Variants in EP400 observed in about 807,000 individuals in gnomAD.
EP400 encodes the protein E1A-binding protein p400.
EP400 carries 105 observed loss-of-function variants against 354.1 expected under a neutral mutation model. The observed-to-expected ratio is 0.30, with a 90% CI of 0.25 to 0.35. EP400 has a LOEUF of 0.35. Ranked by LOEUF, EP400 falls within the 10% of genes least tolerant of loss-of-function variation. The probability of loss-of-function intolerance (pLI) is 1.00; values close to 1 mark genes in which losing one functional copy is unlikely to be tolerated. For synonymous variants in EP400, 1,646 were observed against 1,716.9 expected (o/e 0.96, Z 1.02); for missense variants, 3,280 against 4,121.0 (o/e 0.80, Z 5.59).
intron 2 of EP400, among the ~76,000 whole-genome samples, chr12:131,966,162 G>A (rs1892072378): frequency 6.6e-6 from 1 of 152,160 alleles, no homozygotes; most frequent in Non-Finnish European, 1.5e-5. Flanking sequence ...TGCTGAGGCG[G>A]GAGGATTGCT....
In EP400 at chr12:132,018,206, C is replaced by G; in HGVS notation, c.4111-4C>G. On this transcript the variant is annotated splice_polypyrimidine_tract_variant and splice_region_variant and intron_variant, in intron 20 of 52. Coordinates refer to ENST00000389561, the MANE Select transcript of EP400 (RefSeq NM_015409.5). This position sits in a 1 kb window ranked among gnomAD's most constrained non-coding sequence, Gnocchi z 4.0. ...AGCAAGACTTTTTTTCTTTTTCTCT[C>G]TAGGAAGCAGATCTTTCTATGTTTG... 2 of 1,608,156 alleles carry G rather than the reference C, an allele frequency of 1.2e-6. No homozygotes were observed. Among genetic ancestry groups the G allele is most frequent in the Non-Finnish European group, 1.7e-6 (2 of 1,178,572 alleles).
At position 131,972,063 on chromosome 12, in the gene EP400, T is replaced by G. The variant is rs556137049; in HGVS notation, c.1336-7631T>G. ...GACTTGCGGCAGGTGACAGTGGATG[T>G]CTAAGAAAATAGAAAAGAGTTAAAA... On this transcript the variant is annotated intron_variant, in intron 2 of 52. Transcript: ENST00000389561. Among the ~76,000 whole-genome samples, 6 of 152,262 alleles carry G rather than the reference T, an allele frequency of 3.9e-5. No individual in the cohort carries two copies. In the East Asian group the frequency reaches 1.2e-3, roughly 29 times the overall value.
At chr12:131,959,296 G>A (rs1011076434) in intron 1 of EP400, among the ~76,000 whole-genome samples, 2 of 152,208 alleles carry the variant, frequency 1.3e-5, no homozygotes, top group Non-Finnish European at 2.9e-5. Context: ...ACTGATTTGG[G>A]TGCCAGGTGC....
In EP400 at chr12:132,044,165, T is replaced by C. The variant is rs1895005781; in HGVS notation, c.6451-12T>C. The C allele has an allele frequency of 1.2e-6, 2 of 1,612,184 alleles. No individual in the cohort carries two copies. The highest frequency in any genetic ancestry group is 8.5e-7 in the Non-Finnish European group (1 of 1,178,596). Reference sequence around the variant, plus strand: ...TCCTGATCCTGAAAGTTCTTGCTGCTCTCCCCGTCAGGACGCAGTGATGAC... The same window carrying C: ...TCCTGATCCTGAAAGTTCTTGCTGCCCTCCCCGTCAGGACGCAGTGATGAC... On this transcript the variant is annotated splice_polypyrimidine_tract_variant and intron_variant, in intron 34 of 52. Transcript: ENST00000389561.
chr12:131,993,270 C>T (rs1893102993), intron 11 of EP400, among the ~76,000 whole-genome samples: 1 of 152,122 alleles, frequency 6.6e-6, no homozygotes, highest in South Asian at 2.1e-4. Context: ...GGTAATCCAC[C>T]CGCCTCAGCC....
At position 132,027,897 on chromosome 12, in the gene EP400, C is replaced by T; in HGVS notation, c.5110-120C>T. On this transcript the variant is annotated intron_variant, in intron 26 of 52. Coordinates refer to ENST00000389561, the MANE Select transcript of EP400 (RefSeq NM_015409.5). This position sits in a 1 kb window ranked among gnomAD's most constrained non-coding sequence, Gnocchi z 4.9. ...TATCTCTATTTCCTGTAACACAAGACCGGGGATATTGAAGTGGATCTCATA... is the reference window on the plus strand; with the variant it reads ...TATCTCTATTTCCTGTAACACAAGATCGGGGATATTGAAGTGGATCTCATA... 1 of 1,048,216 alleles carries T rather than the reference C, an allele frequency of 9.5e-7. No homozygotes were observed. Among genetic ancestry groups the T allele is most frequent in the African/African-American group, 1.6e-5 (1 of 62,888 alleles). The allele number at this position is 1,048,216 out of a possible 1,614,324, so 64.9% of individuals were successfully genotyped here.
chr12:132,037,288 G>A (rs1483862339), intron 30 of EP400, among the ~76,000 whole-genome samples: 1 of 152,332 alleles, frequency 6.6e-6, no homozygotes, highest in South Asian at 2.1e-4. Flanking sequence ...TCTCATGAGT[G>A]TTAACAAGCC....
chr12:131,954,650 G>A (rs1462205746), intron 1 of EP400, among the ~76,000 whole-genome samples: 1 of 151,022 alleles, frequency 6.6e-6, no homozygotes, highest in African/African-American at 2.4e-5. Context: ...GCTTGAACCC[G>A]GGAGGCGGAG....
Position 132,077,955 on chromosome 12 carries a change from C to T in EP400, c.*282C>T, listed in dbSNP as rs1896287704. On this transcript the variant is annotated 3_prime_UTR_variant, in exon 53 of 53. Coordinates refer to ENST00000389561, the MANE Select transcript of EP400 (RefSeq NM_015409.5). The stretch of plus-strand genomic sequence containing the variant: ...TTTCAGTCCCCACCCGCACCCGTCC[C>T]CTAGAGCCATAGTACTGTGTTCTGA... The T allele has an allele frequency of 2.2e-6, 1 of 454,880 alleles. No individual in the cohort carries two copies. The highest frequency in any genetic ancestry group is 2.0e-5 in the African/African-American group (1 of 51,220). The allele number at this position is 454,880 out of a possible 1,614,324, so 28.2% of individuals were successfully genotyped here. A position where few individuals can be genotyped will look rare whatever the true frequency, so the allele number is the denominator to read the frequency against.
chr12:132,020,996 A>T, intron 22 of EP400, 83 bp from the exon 23 acceptor site: 1 of 1,439,690 alleles, frequency 6.9e-7, no homozygotes, highest in East Asian at 2.6e-5. Flanking sequence ...TGTTTATTTT[A>T]TTTCTTTAAA....
chr12:131,991,003 C>A (rs1007400817), intron 9 of EP400, among the ~76,000 whole-genome samples: 1 of 152,234 alleles, frequency 6.6e-6, no homozygotes, highest in Non-Finnish European at 1.5e-5. Context: ...GTTTGCCATG[C>A]AGGAGGATCC....
At chr12:132,036,523 G>A (rs535846238) in intron 30 of EP400, among the ~76,000 whole-genome samples, 26 of 152,376 alleles carry the variant, frequency 1.7e-4, no homozygotes, top group Admixed American at 1.2e-3. Flanking sequence ...CGGGGGGCAG[G>A]AGAGGCAGGC....
intron 45 of EP400, among the ~76,000 whole-genome samples, chr12:132,061,090 G>C (rs1895680226): frequency 6.6e-6 from 1 of 152,204 alleles, no homozygotes; most frequent in Non-Finnish European, 1.5e-5. Context: ...ACTGGGGTTA[G>C]AAAGAGGAAA....
intron 1 of EP400, among the ~76,000 whole-genome samples, chr12:131,956,818 C>T (rs1891715413): frequency 6.6e-6 from 1 of 150,808 alleles, no homozygotes; most frequent in Non-Finnish European, 1.5e-5. Flanking sequence ...GGTCATTTTC[C>T]TCTAAGCTGG....
At position 132,029,992 on chromosome 12, in the gene EP400, A is replaced by G; in HGVS notation, c.5588A>G (p.Lys1863Arg). 1 of 1,614,074 alleles carries G rather than the reference A, an allele frequency of 6.2e-7. No individual in the cohort carries two copies. Among genetic ancestry groups the G allele is most frequent in the Non-Finnish European group, 8.5e-7 (1 of 1,180,020 alleles). Residue 1863 changes from lysine to arginine, a missense_variant, in exon 29 of 53, where the codon AAG (lysine) becomes AGG (arginine). This residue lies in a region of EP400 where 459 missense variants were observed against 496.9 expected (regional missense o/e 0.92). Coordinates refer to ENST00000389561, the MANE Select transcript of EP400 (RefSeq NM_015409.5). The surrounding 1 kb of genome is among the most constrained non-coding windows in gnomAD (Gnocchi z 4.7). ...ELRLVQFDSG[K>R]LEALAILLQK... ...CTTGATGTGATTCGTTTCCCAGGGA[A>G]GTTGGAAGCTTTAGCTATCTTGCTT...
At chr12:131,979,871 C>G in intron 3 of EP400, 78 bp downstream of exon 3, 1 of 1,221,934 alleles carries the variant, frequency 8.2e-7, no homozygotes, top group Non-Finnish European at 1.1e-6. Flanking sequence ...CCATGAGTTT[C>G]TGAAGAGCAG....
At chr12:132,040,988 G>A (rs1245612831) in intron 32 of EP400, among the ~76,000 whole-genome samples, 1 of 152,146 alleles carries the variant, frequency 6.6e-6, no homozygotes, top group Non-Finnish European at 1.5e-5. Context: ...GGACAACTGG[G>A]GGACATGTGG....
rs1015072688 is a variant in EP400, at chr12:131,995,088, C to T, written c.2827+132C>T. The T allele has an allele frequency of 1.8e-5, 14 of 788,532 alleles. No individual in the cohort carries two copies. The African/African-American group carries it at 2.4e-4, about 14-fold the overall frequency. 48.8% of individuals were successfully genotyped at this position (788,532 alleles called of 1,614,324 possible). A position where few individuals can be genotyped will look rare whatever the true frequency, so the allele number is the denominator to read the frequency against. On this transcript the variant is annotated intron_variant, in intron 12 of 52. Coordinates refer to ENST00000389561, the MANE Select transcript of EP400 (RefSeq NM_015409.5). ...TTTATGGAAAACAGTCCCTGTGTGCCTCCTGCTGCTCTCTCTCCTGACCTG... is the reference window on the plus strand; with the variant it reads ...TTTATGGAAAACAGTCCCTGTGTGCTTCCTGCTGCTCTCTCTCCTGACCTG...
At position 131,956,271 on chromosome 12, in the gene EP400, G is replaced by C. The variant is rs369844793; in HGVS notation, c.-35-4314G>C. On this transcript the variant is annotated intron_variant, in intron 1 of 52. Coordinates refer to ENST00000389561, the MANE Select transcript of EP400 (RefSeq NM_015409.5). Reference sequence around the variant, plus strand: ...GTATGGCTGTATCATGGTTTGATGTGTCTGCTCATCAGGGGAAGGTCAGTT... The same window carrying C: ...GTATGGCTGTATCATGGTTTGATGTCTCTGCTCATCAGGGGAAGGTCAGTT... Among the ~76,000 whole-genome samples the C allele has an allele frequency of 1.7e-3, 252 of 152,236 alleles. 1 individual carries two copies. The highest frequency in any genetic ancestry group is 5.9e-3 in the African/African-American group (243 of 41,536).
Sources: allele counts gnomAD v4.1 joint callset (sites outside exome capture counted in the v4.1 genomes callset), GRCh38; gene constraint gnomAD v4.1.1; regional missense constraint gnomAD v4.1.1; non-coding constraint Gnocchi (gnomAD v3.1); transcripts MANE v1.5; gene names NCBI Gene and HGNC (gene_info 2026-07-23, HGNC 2026-07-21).